CTSB: variants seen among roughly 807,000 people sequenced by gnomAD.
CTSB encodes the protein APP secretase.
A neutral mutation model predicts 44.3 loss-of-function variants in CTSB; 57 were observed. The observed-to-expected ratio is 1.29, with a 90% CI of 1.04 to 1.60. The LOEUF is 1.60. Ranked by LOEUF, CTSB falls within the 40% of genes most tolerant of loss-of-function variation. The pLI, the probability that CTSB is intolerant of heterozygous loss-of-function variation, is 0.00. For synonymous variants in CTSB, 320 were observed against 168.0 expected (o/e 1.91, Z -7.00); for missense variants, 768 against 443.0 (o/e 1.73, Z -6.59).
At position 11,843,458 on chromosome 8, in the gene CTSB, T is replaced by A. The variant is rs73209015; in HGVS notation, c.*1667A>T. On this transcript the variant is annotated 3_prime_UTR_variant, in exon 10 of 10. Transcript: ENST00000353047. ...GTACCTTGGCAGGACAGTGGAATGA[T>A]TGCTGGTTCTTCTAGTTTGCTCTAT... 8,965 of 152,326 alleles carry A rather than the reference T, an allele frequency of 0.059. 399 individuals are homozygous for A. Among genetic ancestry groups the A allele is most frequent in the Non-Finnish European group, 0.095 (6,491 of 68,040 alleles). The allele number at this position is 152,326 out of a possible 1,614,324, so 9.4% of individuals were successfully genotyped here.
chr8:11,864,319 A>T (rs945988816), intron 1 of CTSB: 1 of 29,670 alleles, frequency 3.4e-5, no homozygotes, highest in Non-Finnish European at 8.9e-5. Context: ...TCTACCAACG[A>T]AAAAAAAAAA....
In CTSB at chr8:11,857,423, G is replaced by T. The variant is rs539189051; in HGVS notation, c.-25-3944C>A. On this transcript the variant is annotated intron_variant, in intron 1 of 9. Transcript: ENST00000353047. ...ACCCACACAGCCTCCACACTGTGAG[G>T]TTAGCATGTCTCGTGGGCAGACAGC... Among the ~76,000 whole-genome samples the T allele has an allele frequency of 3.3e-5, 5 of 152,312 alleles. No individual in the cohort carries two copies. In the East Asian group the frequency reaches 9.6e-4, roughly 29 times the overall value.
At chr8:11,845,413 A>C (rs1397111319) in intron 9 of CTSB, among the ~76,000 whole-genome samples, 191 bp from the exon 10 acceptor site, 1 of 152,128 alleles carries the variant, frequency 6.6e-6, no homozygotes, top group African/African-American at 2.4e-5. Context: ...CTGCCCGGTC[A>C]CCCTTCCCAT....
intron 1 of CTSB, among the ~76,000 whole-genome samples, chr8:11,859,325 T>C (rs1188357920): frequency 1.3e-5 from 2 of 151,978 alleles, no homozygotes. Context: ...CTTGAAGCCG[T>C]TTCCAGGACA....
Position 11,844,909 on chromosome 8 carries a change from C to T in CTSB, c.*216G>A, listed in dbSNP as rs953811278. ...ACTAGTCTACAGGGGGAAGGACGCT[C>T]TGTGCTGGCAGCGGTGGCTCACATG... On this transcript the variant is annotated 3_prime_UTR_variant, in exon 10 of 10. Transcript: ENST00000353047. 3.2e-5 allele frequency: 18 copies of T among 567,508 alleles called. No homozygotes were observed. The highest frequency in any genetic ancestry group is 4.7e-5 in the Non-Finnish European group (15 of 317,350). 35.2% of individuals were successfully genotyped at this position (567,508 alleles called of 1,614,324 possible). A position where few individuals can be genotyped will look rare whatever the true frequency, so the allele number is the denominator to read the frequency against.
At position 11,844,866 on chromosome 8, in the gene CTSB, G is replaced by GTCAGCTGGGGCAA. The variant is rs1812959048; in HGVS notation, c.*258_*259insTTGCCCCAGCTGA. 1.3e-5 allele frequency: 6 copies of GTCAGCTGGGGCAA among 449,638 alleles called. No homozygotes were observed. Among genetic ancestry groups the GTCAGCTGGGGCAA allele is most frequent in the African/African-American group, 1.9e-5 (1 of 51,414 alleles). The allele number at this position is 449,638 out of a possible 1,614,324, so 27.9% of individuals were successfully genotyped here. On this transcript the variant is annotated 3_prime_UTR_variant, in exon 10 of 10. Transcript: ENST00000353047. Reference sequence around the variant, plus strand: ...GAGGGGGCCACAGTCAGCTGGGGCAGCAGGTACTCCCTACGGCACTAGTCT... The same window carrying GTCAGCTGGGGCAA: ...GAGGGGGCCACAGTCAGCTGGGGCAGTCAGCTGGGGCAACAGGTACTCCCTACGGCACTAGTCT...
intron 1 of CTSB, 53 bp from the exon 2 acceptor site, chr8:11,853,532 T>TCA: frequency 6.6e-7 from 1 of 1,526,306 alleles, no homozygotes. Flanking sequence ...GGTCGAGGGC[T>TCA]CACACACACA....
At chr8:11,858,031 G>C (rs1302297402) in intron 1 of CTSB, 1 of 152,202 alleles carries the variant, frequency 6.6e-6, no homozygotes, top group African/African-American at 2.4e-5. Context: ...GGCACCCTTG[G>C]GGTCTGACCT....
chr8:11,860,664 T>A (rs917567391), intron 1 of CTSB, among the ~76,000 whole-genome samples: 1 of 152,026 alleles, frequency 6.6e-6, no homozygotes, highest in African/African-American at 2.4e-5. Context: ...AAAAGTCAAG[T>A]GCTTACATTT....
At chr8:11,849,187 G>C (rs373935627) in intron 4 of CTSB, 23 bp from the exon 5 acceptor site, 9 of 1,599,372 alleles carry the variant, frequency 5.6e-6, no homozygotes, top group Admixed American at 1.7e-5. Flanking sequence ...GCCCCACCGG[G>C]TGAGGCTGCC....
At chr8:11,852,765 C>G (rs1485286762) in intron 2 of CTSB, 70 bp from the exon 3 acceptor site, 1 of 1,430,126 alleles carries the variant, frequency 7.0e-7, no homozygotes, top group African/African-American at 1.4e-5. Context: ...TGCCCACACA[C>G]GAAGCCCAAC....
At chr8:11,857,290 T>A (rs1185822474) in intron 1 of CTSB, among the ~76,000 whole-genome samples, 1 of 152,150 alleles carries the variant, frequency 6.6e-6, no homozygotes, top group African/African-American at 2.4e-5. Context: ...AGTGCTAGGA[T>A]TACAGGCATG....
intron 5 of CTSB, chr8:11,848,717 A>G (rs1233256752): frequency 6.4e-6 from 2 of 310,938 alleles, no homozygotes; most frequent in Admixed American, 8.4e-5. Context: ...ACACATAAGG[A>G]AATGCCCCAA....
chr8:11,863,630 A>G (rs1299595067), intron 1 of CTSB, among the ~76,000 whole-genome samples: 2 of 152,212 alleles, frequency 1.3e-5, no homozygotes, highest in African/African-American at 2.4e-5. Flanking sequence ...AAACTCCCAC[A>G]TGCTTAGCGT....
intron 1 of CTSB, chr8:11,861,360 C>G (rs747053401): frequency 6.6e-6 from 1 of 152,542 alleles, no homozygotes; most frequent in Non-Finnish European, 1.5e-5. Flanking sequence ...ACCTCCCTCA[C>G]CTGAACCAGG....
chr8:11,849,072 T>A lies in CTSB; in HGVS notation c.420A>T (p.Thr140=). The change falls in exon 5 of 10, where the codon ACA becomes ACT. Residue 140 remains threonine (T), a synonymous_variant. Coordinates refer to ENST00000353047, the MANE Select transcript of CTSB (RefSeq NM_001908.5). ...CGTCCCCACACATGCTGCCACAGCATGTGAGCAGGTCCTCCGCCGACACCT... is the reference window on the plus strand; with the variant it reads ...CGTCCCCACACATGCTGCCACAGCAAGTGAGCAGGTCCTCCGCCGACACCT... The part of the protein sequence containing the change: ...SVEVSAEDLL[T]CCGSMCGDGC... The A allele has an allele frequency of 6.2e-7, 1 of 1,612,696 alleles. No individual in the cohort carries two copies. Among genetic ancestry groups the A allele is most frequent in the Non-Finnish European group, 8.5e-7 (1 of 1,179,354 alleles).
intron 8 of CTSB, 102 bp downstream of exon 8, chr8:11,846,950 C>T (rs966255921): frequency 1.1e-5 from 8 of 716,820 alleles, no homozygotes; most frequent in East Asian, 5.3e-5. Context: ...AGCCCCTCAC[C>T]TGCCTGCCCA....
At position 11,844,297 on chromosome 8, in the gene CTSB, T is replaced by A. The variant is rs1812816766; in HGVS notation, c.*828A>T. 6.6e-6 allele frequency: 1 copy of A among 152,244 alleles called. No individual in the cohort carries two copies. The highest frequency in any genetic ancestry group is 1.5e-5 in the Non-Finnish European group (1 of 68,048). The allele number at this position is 152,244 out of a possible 1,614,324, so 9.4% of individuals were successfully genotyped here. A position where few individuals can be genotyped will look rare whatever the true frequency, so the allele number is the denominator to read the frequency against. On this transcript the variant is annotated 3_prime_UTR_variant, in exon 10 of 10. Transcript: ENST00000353047. Reference sequence around the variant, plus strand: ...AGTCTATAGGCAGTGACAAAGGATCTGAGATCCCATCAGAGTAGACTTCAA... The same window carrying A: ...AGTCTATAGGCAGTGACAAAGGATCAGAGATCCCATCAGAGTAGACTTCAA...
chr8:11,847,871 A>AAGCCCCAGCTGGGCAAGGC (rs3215434), intron 6 of CTSB, 49 bp from the exon 7 acceptor site: 7 of 1,555,120 alleles, frequency 4.5e-6, no homozygotes, highest in South Asian at 3.6e-5. Context: ...CCCCACGGAG[A>AAGCCCCAGCTGGGCAAGGC]AGACCTGGGG....
Sources: allele counts gnomAD v4.1 joint callset (sites outside exome capture counted in the v4.1 genomes callset), GRCh38; gene constraint gnomAD v4.1.1; transcripts MANE v1.5; gene names NCBI Gene and HGNC (gene_info 2026-07-23, HGNC 2026-07-21).